The following COBLL1 variants were observed in gnomAD, a reference collection of about 807,000 sequenced individuals.
COBLL1 encodes the protein cordon-bleu WH2 repeat protein like 1, also known as cordon-bleu protein-like 1.
Under a neutral mutation model 94.8 loss-of-function variants are expected in COBLL1, and 50 were observed. The observed-to-expected ratio is 0.53, with a 90% CI of 0.42 to 0.67. The LOEUF is 0.67. Among genes scored for constraint, COBLL1 ranks in the 30% least tolerant of loss-of-function variants. COBLL1 has a pLI of 0.00. For synonymous variants in COBLL1, 448 were observed against 473.8 expected (o/e 0.95, Z 0.71); for missense variants, 1,362 against 1,348.7 (o/e 1.01, Z -0.15).
In COBLL1 at chr2:164,682,702, G is replaced by A. The variant is rs1022478382; in HGVS notation, c.*3244C>T. On this transcript the variant is annotated 3_prime_UTR_variant, in exon 14 of 14. Transcript: ENST00000652658. ...AACTTTAAAAGATGAATTGCCTGCC[G>A]TTTTTAAAATAAGGTTCATTTTTAT... 2 of 152,126 alleles carry A rather than the reference G, an allele frequency of 1.3e-5. No homozygotes were observed. Among genetic ancestry groups the A allele is most frequent in the South Asian group, 4.1e-4 (2 of 4,824 alleles). The allele number at this position is 152,126 out of a possible 1,614,324, so 9.4% of individuals were successfully genotyped here. A position where few individuals can be genotyped will look rare whatever the true frequency, so the allele number is the denominator to read the frequency against.
intron 9 of COBLL1, among the ~76,000 whole-genome samples, chr2:164,701,700 CAGT>C (rs368422741): frequency 2.6e-5 from 4 of 152,016 alleles, no homozygotes; most frequent in Non-Finnish European, 5.9e-5. Context: ...CACCAACAAC[CAGT>C]AGCCAGCAGG....
rs780370017 is a variant in COBLL1, at chr2:164,684,831, T to C, written c.*1115A>G. The C allele has an allele frequency of 6.6e-5, 10 of 151,910 alleles. No individual in the cohort carries two copies. The highest frequency in any genetic ancestry group is 1.5e-4 in the Non-Finnish European group (10 of 67,918). 9.4% of individuals were successfully genotyped at this position (151,910 alleles called of 1,614,324 possible). A position where few individuals can be genotyped will look rare whatever the true frequency, so the allele number is the denominator to read the frequency against. On this transcript the variant is annotated 3_prime_UTR_variant, in exon 14 of 14. Transcript: ENST00000652658. ...GAGGCAGATATCCCAGTAGTTTTAG[T>C]GAAAACAAATTTAATATCATCTTGT...
chr2:164,817,613 T>C (rs980586121), intron 2 of COBLL1, among the ~76,000 whole-genome samples: 1 of 152,140 alleles, frequency 6.6e-6, no homozygotes. Flanking sequence ...ACTCCCATTA[T>C]ATCCTTCACC....
chr2:164,669,749 C>T (rs576822756), intron 1 of COBLL1, among the ~76,000 whole-genome samples: 2 of 152,366 alleles, frequency 1.3e-5, no homozygotes, highest in African/African-American at 4.8e-5. Context: ...TGCCACTTCA[C>T]TGTGAAAATT....
intron 7 of COBLL1, among the ~76,000 whole-genome samples, chr2:164,709,643 G>A (rs963558846): frequency 3.3e-5 from 5 of 152,064 alleles, no homozygotes; most frequent in African/African-American, 9.7e-5. Flanking sequence ...GCTTGAACCC[G>A]GGAAGTGGAG....
intron 2 of COBLL1, chr2:164,800,630 G>A (rs1011031680): frequency 1.4e-5 from 10 of 691,916 alleles, no homozygotes; most frequent in Non-Finnish European, 2.4e-5. Flanking sequence ...TATTCATAAT[G>A]AACCCAAACT....
intron 2 of COBLL1, among the ~76,000 whole-genome samples, chr2:164,824,838 A>AT (rs1685351124): frequency 6.6e-6 from 1 of 152,210 alleles, no homozygotes; most frequent in African/African-American, 2.4e-5. Context: ...TACAAAAAAA[A>AT]GTGTTCAGTT....
intron 2 of COBLL1, among the ~76,000 whole-genome samples, chr2:164,812,149 C>T (rs1213020379): frequency 6.6e-6 from 1 of 151,824 alleles, no homozygotes; most frequent in East Asian, 1.9e-4. Context: ...TCTAGAAACA[C>T]AAATAAAAGA....
chr2:164,695,179 G>C lies in COBLL1; in HGVS notation c.2213C>G (p.Pro738Arg). 4 of 1,613,890 alleles carry C rather than the reference G, an allele frequency of 2.5e-6. No homozygotes were observed. Among genetic ancestry groups the C allele is most frequent in the Non-Finnish European group, 3.4e-6 (4 of 1,179,890 alleles). Residue 738 changes from proline to arginine, a missense_variant, in exon 12 of 14, where the codon CCT becomes CGT. Transcript: ENST00000652658. Reference sequence around the variant, plus strand: ...TTTCGATATTTCCAAGGATTTGGGAGGCACTATTTTATAAGTAGTCATGCC... The same window carrying C: ...TTTCGATATTTCCAAGGATTTGGGACGCACTATTTTATAAGTAGTCATGCC... The part of the protein sequence containing the change: ...KIGMTTYKIV[P>R]PKSLEISKDW...
At chr2:164,806,786 A>G (rs1237505523) in intron 2 of COBLL1, among the ~76,000 whole-genome samples, 1 of 152,076 alleles carries the variant, frequency 6.6e-6, no homozygotes, top group Non-Finnish European at 1.5e-5. Flanking sequence ...TGTGGCCTCT[A>G]CCTCTCGAGT....
intron 2 of COBLL1, among the ~76,000 whole-genome samples, chr2:164,818,437 AT>A (rs561316472): frequency 1.3e-4 from 19 of 149,436 alleles, no homozygotes; most frequent in African/African-American, 4.6e-4. Context: ...GCATGTATAC[AT>A]ATACACATAT....
intron 2 of COBLL1, among the ~76,000 whole-genome samples, chr2:164,756,768 C>T (rs1687430321): frequency 6.6e-6 from 1 of 151,836 alleles, no homozygotes; most frequent in Non-Finnish European, 1.5e-5. Context: ...AAAAAAGATA[C>T]ACACTTGCAA....
chr2:164,741,653 A>G (rs1423420913), intron 3 of COBLL1, among the ~76,000 whole-genome samples: 1 of 152,176 alleles, frequency 6.6e-6, no homozygotes, highest in Non-Finnish European at 1.5e-5. Context: ...CAGCAATTCA[A>G]CAACAGTTGG....
intron 2 of COBLL1, among the ~76,000 whole-genome samples, chr2:164,768,616 C>A (rs1283351340): frequency 6.6e-6 from 1 of 152,026 alleles, no homozygotes; most frequent in East Asian, 1.9e-4. Context: ...AAGAAATGAT[C>A]CAGAACCATC....
chr2:164,821,500 T>A (rs2105362917), intron 2 of COBLL1, among the ~76,000 whole-genome samples: 1 of 152,276 alleles, frequency 6.6e-6, no homozygotes, highest in African/African-American at 2.4e-5. Context: ...GCATAGTGAG[T>A]GTTCCCAGTC....
chr2:164,771,411 A>T (rs1688196965), intron 2 of COBLL1, among the ~76,000 whole-genome samples: 1 of 152,016 alleles, frequency 6.6e-6, no homozygotes, highest in East Asian at 1.9e-4. Context: ...GAAAAAAAAA[A>T]TTGTGTACTG....
At chr2:164,674,069 T>C (rs933217169) in intron 1 of COBLL1, among the ~76,000 whole-genome samples, 5 of 152,162 alleles carry the variant, frequency 3.3e-5, no homozygotes, top group Non-Finnish European at 7.3e-5. Flanking sequence ...TTTGTTGTTG[T>C]TGTTTGTTTT....
At chr2:164,703,265 A>G in intron 9 of COBLL1, 1 of 1,277,262 alleles carries the variant, frequency 7.8e-7, no homozygotes, top group African/African-American at 1.5e-5. Flanking sequence ...TAGACAACAG[A>G]GTTAAGGCAA....
chr2:164,743,723 G>T lies in COBLL1; in HGVS notation c.194C>A (p.Pro65His). 6.2e-7 allele frequency: 1 copy of T among 1,613,466 alleles called. No individual in the cohort carries two copies. Among genetic ancestry groups the T allele is most frequent in the South Asian group, 1.1e-5 (1 of 91,058 alleles). The change falls in exon 3 of 14, where the codon CCT (proline) becomes CAT (histidine). Residue 65 changes from proline (P) to histidine (H), a missense_variant. Transcript: ENST00000652658. Reference protein sequence around the residue: ...DKDVELSVVLPGDIIKSTTVH... With the variant: ...DKDVELSVVLHGDIIKSTTVH... ...AGTAGTAGATTTGATAATATCCCCA[G>T]GTAGGACCACTGAGAGTTCAACGTC...
Sources: allele counts gnomAD v4.1 joint callset (sites outside exome capture counted in the v4.1 genomes callset), GRCh38; gene constraint gnomAD v4.1.1; transcripts MANE v1.5; gene names NCBI Gene and HGNC (gene_info 2026-07-23, HGNC 2026-07-21).